Variants in ADAMTSL1 observed in about 807,000 individuals in gnomAD.
ADAMTSL1 encodes ADAMTS-like protein 1.
A neutral mutation model predicts 201.8 loss-of-function variants in ADAMTSL1; 126 were observed. The observed-to-expected ratio is 0.62, with a 90% confidence interval of 0.54 to 0.72. The LOEUF (loss-of-function observed/expected upper bound fraction) is 0.72. ADAMTSL1 is among the 30% of genes least tolerant of loss of function. ADAMTSL1 has a pLI of 0.00. For missense variants in ADAMTSL1, 2,679 were observed against 2,277.8 expected, an observed-to-expected ratio of 1.18 and a Z score of -3.59; for synonymous variants, 1,121 against 903.4, an observed-to-expected ratio of 1.24 and a Z score of -4.32.
intron 4 of ADAMTSL1, among the ~76,000 whole-genome samples, chr9:18,597,069 T>C (rs1824311141): frequency 6.6e-6 from 1 of 152,258 alleles, no homozygotes; most frequent in South Asian, 2.1e-4. Context: ...TCATCTTTAG[T>C]TTCTTTATAT....
chr9:18,155,861 C>T (rs891832152), intron 1 of ADAMTSL1, among the ~76,000 whole-genome samples: 1 of 151,896 alleles, frequency 6.6e-6, no homozygotes, highest in Non-Finnish European at 1.5e-5. Context: ...TTAGGTCCTC[C>T]TAGAATTTTG....
chr9:18,791,494 A>C (rs1047356688), intron 19 of ADAMTSL1, among the ~76,000 whole-genome samples: 1 of 152,124 alleles, frequency 6.6e-6, no homozygotes, highest in Admixed American at 6.6e-5. Context: ...GTTGAGTCTT[A>C]TGGTGGTCCC....
chr9:18,291,626 C>T (rs1443093132), intron 2 of ADAMTSL1, among the ~76,000 whole-genome samples: 3 of 151,866 alleles, frequency 2.0e-5, no homozygotes, highest in Non-Finnish European at 2.9e-5. Context: ...TGGATTCTTG[C>T]CCACCATTAT....
intron 26 of ADAMTSL1, among the ~76,000 whole-genome samples, chr9:18,901,386 G>A (rs928703132): frequency 6.6e-6 from 1 of 151,346 alleles, no homozygotes; most frequent in Non-Finnish European, 1.5e-5. Flanking sequence ...AAATAGACGG[G>A]CAGACATTAA....
chr9:18,709,470 G>A (rs550307274), intron 14 of ADAMTSL1, among the ~76,000 whole-genome samples: 1 of 152,284 alleles, frequency 6.6e-6, no homozygotes, highest in Non-Finnish European at 1.5e-5. Flanking sequence ...AATCTCAAGA[G>A]ATGAAATTGG....
intron 2 of ADAMTSL1, among the ~76,000 whole-genome samples, chr9:18,193,512 C>A (rs941178053): frequency 6.6e-6 from 1 of 152,076 alleles, no homozygotes; most frequent in Non-Finnish European, 1.5e-5. Context: ...TCCTCTGGTT[C>A]TCTCCCTCCC....
chr9:17,964,910 G>A (rs971130157), intron 1 of ADAMTSL1, among the ~76,000 whole-genome samples: 4 of 151,612 alleles, frequency 2.6e-5, no homozygotes, highest in Non-Finnish European at 5.9e-5. Context: ...TTGCTCTGTC[G>A]CCCAGGCTAG....
chr9:18,300,242 A>G (rs1833651636), intron 2 of ADAMTSL1, among the ~76,000 whole-genome samples: 1 of 152,250 alleles, frequency 6.6e-6, no homozygotes. Context: ...CTGGATTAAG[A>G]AAATGTGGCA....
intron 2 of ADAMTSL1, among the ~76,000 whole-genome samples, chr9:18,317,414 A>G (rs1441515768): frequency 2.0e-5 from 3 of 152,098 alleles, no homozygotes; most frequent in Admixed American, 6.5e-5. Context: ...ACACACACAC[A>G]CACACACACG....
intron 2 of ADAMTSL1, among the ~76,000 whole-genome samples, chr9:18,178,933 A>G (rs1213438516): frequency 6.6e-6 from 1 of 151,104 alleles, no homozygotes; most frequent in Non-Finnish European, 1.5e-5. Context: ...GGGAAAAAAC[A>G]GAGCAGAAAA....
At chr9:18,840,838 G>C (rs1185394516) in intron 23 of ADAMTSL1, among the ~76,000 whole-genome samples, 11 of 149,316 alleles carry the variant, frequency 7.4e-5, no homozygotes, top group Non-Finnish European at 1.2e-4. Flanking sequence ...CTCTCTGTTT[G>C]TCTGTTTTTG....
intron 2 of ADAMTSL1, among the ~76,000 whole-genome samples, chr9:18,231,044 G>A (rs1324048471): frequency 2.0e-5 from 3 of 152,066 alleles, no homozygotes; most frequent in African/African-American, 7.2e-5. Flanking sequence ...ATCAGCCTGG[G>A]CGTAGCTTTT....
intron 7 of ADAMTSL1, among the ~76,000 whole-genome samples, chr9:18,643,488 C>T (rs570381666): frequency 6.6e-6 from 1 of 151,842 alleles, no homozygotes; most frequent in South Asian, 2.1e-4. Context: ...AAAAATTGCC[C>T]AGACCAATTG....
At chr9:18,775,647 C>T in intron 17 of ADAMTSL1, 96 bp from the exon 18 acceptor site, 2 of 1,482,296 alleles carry the variant, frequency 1.3e-6, no homozygotes, top group Non-Finnish European at 1.8e-6. Context: ...CTTTTCCAAG[C>T]AAATTTCTCA....
chr9:18,572,442 A>G (rs1047295389), intron 3 of ADAMTSL1, among the ~76,000 whole-genome samples: 1 of 152,206 alleles, frequency 6.6e-6, no homozygotes, highest in African/African-American at 2.4e-5. Flanking sequence ...TTCAGACAAT[A>G]TTCAAAATGT....
chr9:18,558,375 T>C (rs1451996420), intron 3 of ADAMTSL1, among the ~76,000 whole-genome samples: 1 of 152,224 alleles, frequency 6.6e-6, no homozygotes, highest in Non-Finnish European at 1.5e-5. Context: ...TTACATGTTA[T>C]ATATGTGTCA....
chr9:18,680,818 T>C, intron 11 of ADAMTSL1: 1 of 384,100 alleles, frequency 2.6e-6, no homozygotes, highest in Non-Finnish European at 4.8e-6. Context: ...GAATGAATGA[T>C]CCCGAATCTG....
intron 2 of ADAMTSL1, chr9:18,360,448 G>C (rs1181259370): frequency 6.6e-6 from 1 of 152,134 alleles, no homozygotes; most frequent in African/African-American, 2.4e-5. Flanking sequence ...TGAACTCTCT[G>C]AGCTTCAGTG....
At chr9:18,765,671 A>G (rs1426073940) in intron 16 of ADAMTSL1, among the ~76,000 whole-genome samples, 1 of 152,222 alleles carries the variant, frequency 6.6e-6, no homozygotes, top group Non-Finnish European at 1.5e-5. Flanking sequence ...GATTCATTCA[A>G]TCCTAATGTT....
Sources: allele counts gnomAD v4.1 joint callset (sites outside exome capture counted in the v4.1 genomes callset), GRCh38; gene constraint gnomAD v4.1.1; transcripts MANE v1.5; gene names NCBI Gene and HGNC (gene_info 2026-07-23, HGNC 2026-07-21).